Variants in MAP3K20 observed in about 807,000 individuals in gnomAD.
The protein encoded by MAP3K20 is HCCS-4.
A neutral mutation model predicts 85.7 loss-of-function variants in MAP3K20; 40 were observed. The observed-to-expected ratio is 0.47, with a 90% CI of 0.36 to 0.61. The LOEUF (loss-of-function observed/expected upper bound fraction) is 0.61. Ranked by LOEUF, MAP3K20 falls within the 20% of genes least tolerant of loss-of-function variation. The pLI is 0.00. For synonymous variants in MAP3K20, 325 were observed against 327.7 expected, an observed-to-expected ratio of 0.99 and a Z score of 0.09; for missense variants, 817 against 961.7, an observed-to-expected ratio of 0.85 and a Z score of 1.99.
intron 1 of MAP3K20, among the ~76,000 whole-genome samples, chr2:173,081,814 C>G (rs188983561): frequency 6.6e-6 from 1 of 152,058 alleles, no homozygotes; most frequent in African/African-American, 2.4e-5. Context: ...GGAGGGAGAC[C>G]GTCTATACTT....
At position 173,214,747 on chromosome 2, in the gene MAP3K20, A is replaced by G. The variant is rs369643323; in HGVS notation, c.852-2368A>G. Among the ~76,000 whole-genome samples the G allele has an allele frequency of 2.1e-3, 314 of 152,340 alleles. 7 individuals are homozygous for G. The South Asian group carries it at 0.056, about 27-fold the overall frequency. On this transcript the variant is annotated intron_variant, in intron 10 of 19. Transcript: ENST00000375213. ...TGACCTTGATTGGATTTGGCTTACA[A>G]GAAGACCATAATTTTCATCAACTAA...
chr2:173,125,913 C>T (rs769197690), intron 2 of MAP3K20, among the ~76,000 whole-genome samples: 8 of 152,116 alleles, frequency 5.3e-5, no homozygotes, highest in East Asian at 1.9e-4. Context: ...CCACCTGCCT[C>T]GGCCTCCCAA....
chr2:173,144,999 TAATA>T (rs1237157355), intron 2 of MAP3K20, among the ~76,000 whole-genome samples: 3 of 152,160 alleles, frequency 2.0e-5, no homozygotes, highest in Non-Finnish European at 4.4e-5. Context: ...AAAATCTTTT[TAATA>T]AATAGTGCTG....
intron 16 of MAP3K20, among the ~76,000 whole-genome samples, chr2:173,245,372 T>C (rs1684889333): frequency 6.6e-6 from 1 of 152,186 alleles, no homozygotes; most frequent in African/African-American, 2.4e-5. Context: ...GCTATCATAA[T>C]CAGGAGTGGC....
intron 8 of MAP3K20, among the ~76,000 whole-genome samples, chr2:173,201,394 T>G (rs1691055989): frequency 6.6e-6 from 1 of 152,214 alleles, no homozygotes; most frequent in Non-Finnish European, 1.5e-5. Context: ...TTCAGAATGT[T>G]CTGGTAGCAT....
intron 18 of MAP3K20, 73 bp downstream of exon 18, chr2:173,261,210 G>C (rs1382117120): frequency 6.7e-7 from 1 of 1,499,944 alleles, no homozygotes; most frequent in Non-Finnish European, 9.2e-7. Context: ...TTATCTCAGA[G>C]CATATAATTT....
At position 173,129,079 on chromosome 2, in the gene MAP3K20, A is replaced by G. The variant is rs554427225; in HGVS notation, c.159+37889A>G. On this transcript the variant is annotated intron_variant, in intron 2 of 19. Coordinates refer to ENST00000375213, the MANE Select transcript of MAP3K20 (RefSeq NM_016653.3). ...GCTGAGATTACAGGTGCCCGCCACCATGGCCTAGCTGATTTATTTTTTTAT... is the reference window on the plus strand; with the variant it reads ...GCTGAGATTACAGGTGCCCGCCACCGTGGCCTAGCTGATTTATTTTTTTAT... Among the ~76,000 whole-genome samples the G allele has an allele frequency of 2.6e-5, 4 of 151,932 alleles. No individual in the cohort carries two copies. In the South Asian group the frequency reaches 8.3e-4, roughly 32 times the overall value.
intron 2 of MAP3K20, among the ~76,000 whole-genome samples, chr2:173,124,490 C>T (rs189986032): frequency 1.5e-3 from 225 of 152,130 alleles, no homozygotes; most frequent in Non-Finnish European, 2.0e-3. Context: ...GGTTGGGGTT[C>T]CATGGGTGGG....
chr2:173,169,594 C>T (rs1689942530), intron 2 of MAP3K20, among the ~76,000 whole-genome samples: 1 of 151,764 alleles, frequency 6.6e-6, no homozygotes, highest in Non-Finnish European at 1.5e-5. Context: ...GTGGTGTGTG[C>T]CTGTAGTCCC....
chr2:173,107,791 C>T (rs1261655828), intron 2 of MAP3K20, among the ~76,000 whole-genome samples: 1 of 152,110 alleles, frequency 6.6e-6, no homozygotes, highest in Non-Finnish European at 1.5e-5. Context: ...TTGTGAGGAC[C>T]ACATGAGGTA....
chr2:173,083,657 A>C (rs373926725), intron 1 of MAP3K20, among the ~76,000 whole-genome samples: 15 of 152,280 alleles, frequency 9.9e-5, no homozygotes, highest in African/African-American at 3.6e-4. Flanking sequence ...TGAAGATAAG[A>C]CTCAGGGGAA....
rs113176270 is a variant in MAP3K20 at position 173,152,966 on chromosome 2, A to G, written c.160-16839A>G. 6.5e-3 allele frequency among the ~76,000 whole-genome samples: 997 copies of G among 152,316 alleles called. 6 individuals are homozygous for G. Among genetic ancestry groups the G allele is most frequent in the Non-Finnish European group, 8.2e-3 (555 of 68,020 alleles). On this transcript the variant is annotated intron_variant, in intron 2 of 19. Transcript: ENST00000375213. Reference sequence around the variant, plus strand: ...TTTAATCTTAAGAGTTCAGAGTTGAATGGACTCTCAGGGATGCTAAATCAC... The same window carrying G: ...TTTAATCTTAAGAGTTCAGAGTTGAGTGGACTCTCAGGGATGCTAAATCAC...
chr2:173,121,426 C>T (rs1381116927), intron 2 of MAP3K20, among the ~76,000 whole-genome samples: 1 of 152,118 alleles, frequency 6.6e-6, no homozygotes, highest in Non-Finnish European at 1.5e-5. Flanking sequence ...CTTGCTCTGT[C>T]GCCCAGGCTG....
At chr2:173,079,028 G>A (rs144989265) in intron 1 of MAP3K20, among the ~76,000 whole-genome samples, 20 of 152,236 alleles carry the variant, frequency 1.3e-4, no homozygotes, top group African/African-American at 4.8e-4. Flanking sequence ...GTCCATTAAT[G>A]ATGGGGATAC....
intron 2 of MAP3K20, among the ~76,000 whole-genome samples, chr2:173,162,666 A>G (rs191520613): frequency 0.022 from 3,205 of 147,852 alleles, 59 homozygotes; most frequent in South Asian, 0.047. Flanking sequence ...AGCCTGGGCG[A>G]CAAGAATGAA....
intron 1 of MAP3K20, among the ~76,000 whole-genome samples, chr2:173,087,677 G>A (rs1687179832): frequency 6.6e-6 from 1 of 152,146 alleles, no homozygotes; most frequent in Admixed American, 6.5e-5. Context: ...AGACTGCTCA[G>A]TAGCCACATT....
intron 1 of MAP3K20, among the ~76,000 whole-genome samples, chr2:173,084,707 C>T (rs1241375871): frequency 6.6e-6 from 1 of 152,018 alleles, no homozygotes; most frequent in African/African-American, 2.4e-5. Flanking sequence ...TGAGAGCATA[C>T]CTGACCATAA....
chr2:173,082,024 T>G (rs549450952), intron 1 of MAP3K20, among the ~76,000 whole-genome samples: 12 of 130,424 alleles, frequency 9.2e-5, no homozygotes, highest in South Asian at 7.1e-4. Context: ...GAATCCTTTG[T>G]TTTTTTTTTG....
chr2:173,247,873 A>G (rs1684955840), intron 16 of MAP3K20, among the ~76,000 whole-genome samples: 1 of 152,164 alleles, frequency 6.6e-6, no homozygotes, highest in Non-Finnish European at 1.5e-5. Context: ...TTTCCCAGAC[A>G]CGGCTTTACT....
Sources: gnomAD v4.1 joint callset for allele counts (sites outside exome capture counted in the v4.1 genomes callset) on GRCh38, gnomAD v4.1.1 for gene constraint, MANE v1.5 for transcripts, NCBI Gene and HGNC (gene_info 2026-07-23, HGNC 2026-07-21) for gene names.